Variants in DLGAP1 observed in about 807,000 individuals in gnomAD.
DLGAP1 encodes disks large-associated protein 1.
DLGAP1 carries 11 observed loss-of-function variants against 90.8 expected under a neutral mutation model. The ratio of observed to expected loss-of-function variants is 0.12; its 90% CI spans 0.08 to 0.20. The LOEUF (loss-of-function observed/expected upper bound fraction) is 0.20, where lower values mean the gene tolerates loss of function less well. Ranked by LOEUF, DLGAP1 falls within the 10% of genes least tolerant of loss-of-function variation. The probability of loss-of-function intolerance (pLI) is 1.00; values close to 1 mark genes in which losing one functional copy is unlikely to be tolerated. For missense variants in DLGAP1, 1,050 were observed against 1,333.8 expected (o/e 0.79, Z 3.31); for synonymous variants, 558 against 540.7 (o/e 1.03, Z -0.44).
At chr18:3,677,037 G>C (rs2060329948) in intron 7 of DLGAP1, among the ~76,000 whole-genome samples, 1 of 152,022 alleles carries the variant, frequency 6.6e-6, no homozygotes, top group Non-Finnish European at 1.5e-5. Flanking sequence ...CTAACTTCCA[G>C]GATATTCCTG....
intron 7 of DLGAP1, among the ~76,000 whole-genome samples, chr18:3,710,827 CG>C (rs1337528408): frequency 6.6e-6 from 1 of 152,104 alleles, no homozygotes; most frequent in Non-Finnish European, 1.5e-5. Context: ...ACTCCAGGCA[CG>C]GGTGTAGGGG....
intron 2 of DLGAP1, among the ~76,000 whole-genome samples, chr18:4,024,111 C>T (rs1311246926): frequency 6.6e-6 from 1 of 152,178 alleles, no homozygotes; most frequent in Admixed American, 6.5e-5. Flanking sequence ...AATTCCAACT[C>T]AAACTTTGGA....
chr18:3,602,593 C>CAAAAAAAAA (rs71159102), intron 7 of DLGAP1, among the ~76,000 whole-genome samples: 78 of 66,500 alleles, frequency 1.2e-3, no homozygotes, highest in East Asian at 1.6e-3. Context: ...AGACTCCGTC[C>CAAAAAAAAA]AAAAAAAAAA....
At chr18:4,105,268 T>G (rs2075840541) in intron 2 of DLGAP1, among the ~76,000 whole-genome samples, 2 of 152,206 alleles carry the variant, frequency 1.3e-5, no homozygotes, top group Non-Finnish European at 2.9e-5. Flanking sequence ...TATGCCAGCC[T>G]GTGTTCAAGG....
intron 8 of DLGAP1, among the ~76,000 whole-genome samples, chr18:3,569,252 G>C (rs184334025): frequency 2.6e-5 from 4 of 151,836 alleles, no homozygotes; most frequent in African/African-American, 9.6e-5. Context: ...TGAGTGCCTC[G>C]GCCTCCCAAA....
intron 9 of DLGAP1, among the ~76,000 whole-genome samples, chr18:3,537,923 G>A (rs554771289): frequency 8.5e-5 from 13 of 152,250 alleles, no homozygotes; most frequent in Admixed American, 5.9e-4. Context: ...ATATTCAGTA[G>A]TGCCAGCCTT....
chr18:3,780,128 T>A (rs1007762754), intron 5 of DLGAP1, among the ~76,000 whole-genome samples: 2 of 152,100 alleles, frequency 1.3e-5, no homozygotes, highest in African/African-American at 2.4e-5. Flanking sequence ...TTAAAAAAAA[T>A]TTTAAATTAC....
chr18:4,024,761 C>G (rs2074671778), intron 2 of DLGAP1, among the ~76,000 whole-genome samples: 1 of 152,128 alleles, frequency 6.6e-6, no homozygotes, highest in African/African-American at 2.4e-5. Flanking sequence ...TGTGCCTAAT[C>G]AAAGGGCACA....
chr18:3,697,158 A>AT lies in DLGAP1; in HGVS notation c.1591+31976dup, dbSNP rs1309455049. Among the ~76,000 whole-genome samples, 188 of 150,952 alleles carry AT rather than the reference A, an allele frequency of 1.2e-3. 1 individual carries two copies. Among genetic ancestry groups the AT allele is most frequent in the African/African-American group, 4.1e-3 (169 of 41,178 alleles). On this transcript the variant is annotated intron_variant, in intron 7 of 12. Coordinates refer to ENST00000315677, the MANE Select transcript of DLGAP1 (RefSeq NM_004746.4). ...AAAAAACCAGCTCCTGGATTCATTG[A>AT]TTTTTTTTTGAAGGGTTTTTTGTGT... is the stretch of plus-strand genomic sequence containing the variant.
chr18:4,314,118 C>T (rs535039922), intron 1 of DLGAP1, among the ~76,000 whole-genome samples: 3 of 152,230 alleles, frequency 2.0e-5, no homozygotes, highest in South Asian at 2.1e-4. Flanking sequence ...GGGACAAAGC[C>T]GAGGGACTTG....
At chr18:3,657,753 C>T (rs1280101789) in intron 7 of DLGAP1, among the ~76,000 whole-genome samples, 1 of 152,074 alleles carries the variant, frequency 6.6e-6, no homozygotes, top group Non-Finnish European at 1.5e-5. Context: ...CAGGCGCCCG[C>T]CACCGCACCC....
At chr18:3,589,347 G>A (rs2056100073) in intron 7 of DLGAP1, among the ~76,000 whole-genome samples, 1 of 152,150 alleles carries the variant, frequency 6.6e-6, no homozygotes, top group African/African-American at 2.4e-5. Context: ...CAAGTGTCAG[G>A]CGGCCACAAA....
chr18:3,952,265 C>T (rs755418985), intron 3 of DLGAP1, among the ~76,000 whole-genome samples: 6 of 152,112 alleles, frequency 3.9e-5, no homozygotes, highest in Non-Finnish European at 1.5e-5. Flanking sequence ...CTTTTAATGC[C>T]AGATGGGAAA....
intron 1 of DLGAP1, among the ~76,000 whole-genome samples, chr18:4,344,076 G>A (rs1259062687): frequency 1.3e-5 from 2 of 152,146 alleles, no homozygotes; most frequent in African/African-American, 4.8e-5. Context: ...TCTATAAAGT[G>A]TCCCGTTTCA....
intron 2 of DLGAP1, among the ~76,000 whole-genome samples, chr18:4,077,869 G>A (rs2075547342): frequency 6.6e-6 from 1 of 152,128 alleles, no homozygotes; most frequent in African/African-American, 2.4e-5. Context: ...TGTCATTTAA[G>A]CATTCTGTGA....
intron 5 of DLGAP1, among the ~76,000 whole-genome samples, chr18:3,751,529 C>T (rs972326870): frequency 6.6e-5 from 10 of 150,552 alleles, no homozygotes; most frequent in African/African-American, 2.5e-4. Flanking sequence ...AACTCCTGGT[C>T]CCAAGTGATC....
chr18:4,097,308 C>T lies in DLGAP1; in HGVS notation c.-159+53872G>A, dbSNP rs148564476. On this transcript the variant is annotated intron_variant, in intron 2 of 12. Coordinates refer to ENST00000315677, the MANE Select transcript of DLGAP1 (RefSeq NM_004746.4). The stretch of plus-strand genomic sequence containing the variant: ...CTGCCTCAGAGCTGTCCTTACTGCC[C>T]CTGGCACTTTCCATCTTCCCCATTT... Among the ~76,000 whole-genome samples the T allele has an allele frequency of 5.9e-3, 905 of 152,326 alleles. 27 individuals are homozygous for T. The East Asian group carries it at 0.065, about 11-fold the overall frequency.
At chr18:3,712,751 TGAA>T (rs745471719) in intron 7 of DLGAP1, among the ~76,000 whole-genome samples, 15 of 152,144 alleles carry the variant, frequency 9.9e-5, no homozygotes, top group Non-Finnish European at 1.8e-4. Flanking sequence ...TATGGGAAAA[TGAA>T]GGAGGCAATC....
At chr18:3,559,221 G>A (rs1403378906) in intron 9 of DLGAP1, among the ~76,000 whole-genome samples, 1 of 152,192 alleles carries the variant, frequency 6.6e-6, no homozygotes, top group Non-Finnish European at 1.5e-5. Context: ...TCTGATGTTA[G>A]TTCTGTTTAG....
Sources: allele counts gnomAD v4.1 joint callset (sites outside exome capture counted in the v4.1 genomes callset), GRCh38; gene constraint gnomAD v4.1.1; transcripts MANE v1.5; gene names NCBI Gene and HGNC (gene_info 2026-07-23, HGNC 2026-07-21).